Variants in CEP126 observed in about 807,000 individuals in gnomAD.
CEP126 encodes centrosomal protein 126, also known as centrosomal protein of 126 kDa.
In CEP126, 74 loss-of-function variants were observed where a neutral mutation model predicts 107.8. That is an observed-to-expected ratio of 0.69 (90% CI 0.57 to 0.83). The LOEUF is 0.83. CEP126 is among the 40% of genes least tolerant of loss of function. The probability of loss-of-function intolerance (pLI) is 0.00; values close to 1 mark genes in which losing one functional copy is unlikely to be tolerated. For missense variants in CEP126, 1,237 were observed against 1,281.9 expected (o/e 0.96, Z 0.53); for synonymous variants, 449 against 446.0 (o/e 1.01, Z -0.08).
chr11:101,988,006 G>A (rs1565370167), intron 9 of CEP126, among the ~76,000 whole-genome samples: 1 of 150,082 alleles, frequency 6.7e-6, no homozygotes, highest in African/African-American at 2.4e-5. Context: ...ATGAAAAAAG[G>A]CACCAAGAAA....
intron 7 of CEP126, among the ~76,000 whole-genome samples, chr11:101,979,319 G>A (rs1941229126): frequency 1.3e-5 from 2 of 152,130 alleles, no homozygotes; most frequent in South Asian, 4.1e-4. Context: ...ATTTCCTATT[G>A]AGGACCTTTC....
intron 2 of CEP126, among the ~76,000 whole-genome samples, chr11:101,925,063 T>C (rs1162632681): frequency 6.6e-6 from 1 of 152,224 alleles, no homozygotes; most frequent in Non-Finnish European, 1.5e-5. Flanking sequence ...GTCCCCTTTG[T>C]TTCCGGCTCC....
chr11:101,961,454 C>G (rs1231349909), intron 5 of CEP126, among the ~76,000 whole-genome samples: 1 of 151,832 alleles, frequency 6.6e-6, no homozygotes, highest in Admixed American at 6.6e-5. Context: ...AATGGAATAG[C>G]AATAACAAAA....
chr11:101,928,420 G>T (rs1348982837), intron 2 of CEP126, among the ~76,000 whole-genome samples: 1 of 152,112 alleles, frequency 6.6e-6, no homozygotes. Flanking sequence ...TTGATGTAAA[G>T]TCTAGGAACT....
intron 3 of CEP126, among the ~76,000 whole-genome samples, chr11:101,945,504 TA>T (rs1940722418): frequency 6.6e-6 from 1 of 152,228 alleles, no homozygotes; most frequent in Non-Finnish European, 1.5e-5. Context: ...GCTGTGTTAG[TA>T]ATAAATATTA....
In CEP126 at chr11:101,917,600, AT is replaced by A. The variant is rs1259503009; in HGVS notation, c.128+2191del. Among the ~76,000 whole-genome samples, 32 of 145,064 alleles carry A rather than the reference AT, an allele frequency of 2.2e-4. No homozygotes were observed. The East Asian group carries it at 5.7e-3, about 26-fold the overall frequency. On this transcript the variant is annotated intron_variant, in intron 1 of 10. Transcript: ENST00000263468. ...TTTTGAGAGTTCAAATAGAAATGGA[AT>A]TTAAAAAAAAAAAAAAAAGGAAGGT... is the stretch of plus-strand genomic sequence containing the variant.
At chr11:101,985,607 T>C (rs563272916) in intron 8 of CEP126, among the ~76,000 whole-genome samples, 1 of 152,230 alleles carries the variant, frequency 6.6e-6, no homozygotes, top group Non-Finnish European at 1.5e-5. Flanking sequence ...AACCTAGGTC[T>C]CATCACCAAC....
chr11:101,980,310 T>C (rs1941241047), intron 7 of CEP126, among the ~76,000 whole-genome samples: 1 of 152,168 alleles, frequency 6.6e-6, no homozygotes, highest in Non-Finnish European at 1.5e-5. Flanking sequence ...ACCCTTATTT[T>C]TTCCTTATTT....
intron 2 of CEP126, among the ~76,000 whole-genome samples, chr11:101,940,085 CA>C (rs555535131): frequency 4.6e-3 from 696 of 150,806 alleles, no homozygotes; most frequent in Non-Finnish European, 6.1e-3. Context: ...TACAATAGTA[CA>C]AAAAAAAATC....
At chr11:101,975,951 A>G (rs535641786) in intron 6 of CEP126, among the ~76,000 whole-genome samples, 6 of 152,276 alleles carry the variant, frequency 3.9e-5, no homozygotes, top group Non-Finnish European at 8.8e-5. Context: ...TCCATGTTGT[A>G]TACGTACCAC....
rs535979729 is a variant in CEP126 at position 101,976,348 on chromosome 11, TC to T, written c.2846-1998del. ...ATGATTAGTGATGTTGAGTATTTTTTCATCTTAATTTCTTTATATGTAAAAA... is the reference window on the plus strand; with the variant it reads ...ATGATTAGTGATGTTGAGTATTTTTTATCTTAATTTCTTTATATGTAAAAA... On this transcript the variant is annotated intron_variant, in intron 6 of 10. Coordinates refer to ENST00000263468, the MANE Select transcript of CEP126 (RefSeq NM_020802.4). 2.6e-3 allele frequency among the ~76,000 whole-genome samples: 402 copies of T among 152,344 alleles called. 8 individuals carry two copies. Among genetic ancestry groups the T allele is most frequent in the South Asian group, 0.011 (53 of 4,824 alleles).
At chr11:101,917,603 T>TAA (rs199615063) in intron 1 of CEP126, among the ~76,000 whole-genome samples, 6 of 137,990 alleles carry the variant, frequency 4.3e-5, no homozygotes, top group Admixed American at 1.4e-4. Flanking sequence ...AAATGGAATT[T>TAA]AAAAAAAAAA....
Position 101,915,027 on chromosome 11 carries a change from C to G in CEP126, c.-258C>G, listed in dbSNP as rs1940167228. The G allele has an allele frequency of 3.5e-5, 15 of 428,696 alleles. No homozygotes were observed. In the South Asian group the frequency reaches 8.0e-4, roughly 23 times the overall value. 26.6% of individuals were successfully genotyped at this position (428,696 alleles called of 1,614,324 possible). A position where few individuals can be genotyped will look rare whatever the true frequency, so the allele number is the denominator to read the frequency against. On this transcript the variant is annotated 5_prime_UTR_variant, in exon 1 of 11. Coordinates refer to ENST00000263468, the MANE Select transcript of CEP126 (RefSeq NM_020802.4). ...TCAAGGACGCGCCGTCGGTTGTTGTCAAGATGGCGGCTGCAGGGTTGCTGC... is the reference window on the plus strand; with the variant it reads ...TCAAGGACGCGCCGTCGGTTGTTGTGAAGATGGCGGCTGCAGGGTTGCTGC...
At chr11:101,951,049 A>ACTAT (rs1454005427) in intron 4 of CEP126, among the ~76,000 whole-genome samples, 1 of 152,234 alleles carries the variant, frequency 6.6e-6, no homozygotes, top group Non-Finnish European at 1.5e-5. Flanking sequence ...CCAGAACAGT[A>ACTAT]CTATTTTGTA....
At chr11:101,939,874 T>C (rs1047157282) in intron 2 of CEP126, among the ~76,000 whole-genome samples, 1 of 152,208 alleles carries the variant, frequency 6.6e-6, no homozygotes, top group African/African-American at 2.4e-5. Flanking sequence ...CAGTGTTGTG[T>C]AGAGTTAGCT....
At chr11:101,994,350 T>C (rs2137137986) in intron 10 of CEP126, among the ~76,000 whole-genome samples, 1 of 152,390 alleles carries the variant, frequency 6.6e-6, no homozygotes, top group Middle Eastern at 3.4e-3. Context: ...TTTACTTTGC[T>C]GTGCAGAAGC....
At chr11:101,997,019 C>A (rs750690435) in intron 10 of CEP126, among the ~76,000 whole-genome samples, 6 of 152,128 alleles carry the variant, frequency 3.9e-5, no homozygotes, top group Non-Finnish European at 8.8e-5. Context: ...TATCATTTCA[C>A]TTTGAACCCT....
intron 1 of CEP126, among the ~76,000 whole-genome samples, chr11:101,918,387 G>A (rs1049600776): frequency 1.1e-4 from 16 of 152,194 alleles, no homozygotes; most frequent in Admixed American, 5.9e-4. Context: ...GGTGGAGGTT[G>A]CAGTGAGCCG....
At chr11:101,915,752 T>C (rs1360997811) in intron 1 of CEP126, among the ~76,000 whole-genome samples, 1 of 152,246 alleles carries the variant, frequency 6.6e-6, no homozygotes, top group Non-Finnish European at 1.5e-5. Flanking sequence ...CTTCCTGATT[T>C]ATCGTACTAC....
Sources: allele counts gnomAD v4.1 joint callset (sites outside exome capture counted in the v4.1 genomes callset), GRCh38; gene constraint gnomAD v4.1.1; transcripts MANE v1.5; gene names NCBI Gene and HGNC (gene_info 2026-07-23, HGNC 2026-07-21).